Variants in ROR1 observed in about 807,000 individuals in gnomAD.
ROR1 encodes ROR family WNT receptor 1.
Under a neutral mutation model 78.8 loss-of-function variants are expected in ROR1, and 19 were observed. The ratio of observed to expected loss-of-function variants is 0.24; its 90% CI spans 0.17 to 0.35. The LOEUF is 0.35. ROR1 is among the 10% of genes least tolerant of loss of function. ROR1 has a pLI of 1.00. For missense variants in ROR1, 917 were observed against 1,177.8 expected (o/e 0.78, Z 3.24); for synonymous variants, 386 against 433.6 (o/e 0.89, Z 1.36).
intron 1 of ROR1, among the ~76,000 whole-genome samples, chr1:63,991,953 G>A (rs285360): frequency 0.66 from 101,062 of 152,100 alleles, 38,122 homozygotes; most frequent in East Asian, 0.94. Context: ...ATAATGTGAC[G>A]AATAGGAAAG....
At chr1:63,909,904 T>C (rs1645556929) in intron 1 of ROR1, among the ~76,000 whole-genome samples, 2 of 152,198 alleles carry the variant, frequency 1.3e-5, no homozygotes, top group Admixed American at 6.5e-5. Flanking sequence ...GCAAAAAATA[T>C]GGTCTGTTCT....
intron 1 of ROR1, among the ~76,000 whole-genome samples, chr1:63,822,304 C>G (rs1569771251): frequency 6.6e-6 from 1 of 152,264 alleles, no homozygotes; most frequent in Non-Finnish European, 1.5e-5. Flanking sequence ...TGTCTCTGCC[C>G]ATAACAGCTT....
At position 63,957,734 on chromosome 1, in the gene ROR1, GTTTGTTT is replaced by G. The variant is rs1229934177; in HGVS notation, c.92-51560_92-51554del. Reference sequence around the variant, plus strand: ...TTAACCAATTGATAACCCTTTTTTTGTTTGTTTTTTGTTTTTTTTTTTTTTGGAGACA... The same window carrying G: ...TTAACCAATTGATAACCCTTTTTTTGTTTGTTTTTTTTTTTTTTGGAGACA... On this transcript the variant is annotated intron_variant, in intron 1 of 8. Transcript: ENST00000371079. 4.3e-3 allele frequency among the ~76,000 whole-genome samples: 631 copies of G among 147,468 alleles called. 3 individuals are homozygous for G. Among genetic ancestry groups the G allele is most frequent in the Middle Eastern group, 0.014 (4 of 290 alleles).
intron 1 of ROR1, among the ~76,000 whole-genome samples, chr1:63,850,568 A>AT (rs35520628): frequency 1.8e-5 from 1 of 55,152 alleles, no homozygotes; most frequent in African/African-American, 6.4e-4. Flanking sequence ...CAGGTATGAG[A>AT]AACTATCACA....
chr1:63,832,920 A>G (rs1557518092), intron 1 of ROR1, among the ~76,000 whole-genome samples: 3 of 152,174 alleles, frequency 2.0e-5, no homozygotes, highest in Non-Finnish European at 4.4e-5. Flanking sequence ...ACTCATCCAC[A>G]TCTGCCATTA....
intron 1 of ROR1, among the ~76,000 whole-genome samples, chr1:63,803,796 C>G (rs1644810429): frequency 6.6e-6 from 1 of 152,152 alleles, no homozygotes; most frequent in South Asian, 2.1e-4. Context: ...TAGAAACAAA[C>G]CAAATGCCCT....
chr1:64,127,175 C>G (rs1352659313), intron 4 of ROR1, among the ~76,000 whole-genome samples: 1 of 152,148 alleles, frequency 6.6e-6, no homozygotes, highest in Non-Finnish European at 1.5e-5. Context: ...TGTGCAAATA[C>G]TGTTTTGTGT....
intron 1 of ROR1, among the ~76,000 whole-genome samples, chr1:63,775,601 GAAAAGA>G (rs746601648): frequency 5.9e-5 from 9 of 152,122 alleles, no homozygotes; most frequent in Non-Finnish European, 1.2e-4. Flanking sequence ...CTGTGTTTAG[GAAAAGA>G]AAAAGTTCTG....
intron 4 of ROR1, among the ~76,000 whole-genome samples, chr1:64,056,504 G>A (rs566860337): frequency 5.9e-5 from 9 of 151,612 alleles, no homozygotes; most frequent in Admixed American, 1.3e-4. Flanking sequence ...GTGAAACCCC[G>A]TATCTACTAA....
At chr1:63,888,772 T>C (rs1645374529) in intron 1 of ROR1, among the ~76,000 whole-genome samples, 1 of 152,178 alleles carries the variant, frequency 6.6e-6, no homozygotes, top group Non-Finnish European at 1.5e-5. Flanking sequence ...ATTTAAATTT[T>C]TATAGCTATC....
At chr1:64,035,280 G>A (rs924390384) in intron 2 of ROR1, among the ~76,000 whole-genome samples, 2 of 152,168 alleles carry the variant, frequency 1.3e-5, no homozygotes, top group Non-Finnish European at 2.9e-5. Context: ...TTCTAAAGTG[G>A]CTTTGGAAAG....
intron 4 of ROR1, among the ~76,000 whole-genome samples, chr1:64,107,384 T>G (rs7521771): frequency 0.14 from 20,906 of 152,214 alleles, 1,647 homozygotes; most frequent in African/African-American, 0.19. Flanking sequence ...ATGTGAGAAT[T>G]ATTATGAGCA....
intron 1 of ROR1, among the ~76,000 whole-genome samples, chr1:63,976,305 T>C (rs1275418572): frequency 6.6e-6 from 1 of 152,204 alleles, no homozygotes; most frequent in Non-Finnish European, 1.5e-5. Flanking sequence ...CATTTAGGCT[T>C]GAATGCAAAT....
chr1:63,878,005 G>T (rs1645298739), intron 1 of ROR1, among the ~76,000 whole-genome samples: 1 of 152,176 alleles, frequency 6.6e-6, no homozygotes, highest in Non-Finnish European at 1.5e-5. Flanking sequence ...TTCCTCCTGA[G>T]TGAGTAGTGC....
intron 2 of ROR1, among the ~76,000 whole-genome samples, chr1:64,033,221 A>G (rs1646675352): frequency 6.6e-6 from 1 of 152,224 alleles, no homozygotes; most frequent in South Asian, 2.1e-4. Flanking sequence ...GAAACAGGAT[A>G]TCGTATTCTA....
In ROR1 at chr1:64,133,327, A is replaced by C. The variant is rs184733743; in HGVS notation, c.483-4042A>C. Among the ~76,000 whole-genome samples the C allele has an allele frequency of 1.1e-4, 16 of 152,232 alleles. No individual in the cohort carries two copies. In the East Asian group the frequency reaches 3.1e-3, roughly 29 times the overall value. Reference sequence around the variant, plus strand: ...TCTGGCAGGGAAGGAAGCTGGAAAAACTGGCAAGAACTAGATTATGAAGTC... The same window carrying C: ...TCTGGCAGGGAAGGAAGCTGGAAAACCTGGCAAGAACTAGATTATGAAGTC... On this transcript the variant is annotated intron_variant, in intron 4 of 8. Transcript: ENST00000371079.
chr1:63,891,818 T>C (rs1289491304), intron 1 of ROR1, among the ~76,000 whole-genome samples: 3 of 152,128 alleles, frequency 2.0e-5, no homozygotes, highest in Non-Finnish European at 4.4e-5. Flanking sequence ...ACACCTGTGC[T>C]ACCCTAATCC....
chr1:64,030,552 C>T (rs1271019673), intron 2 of ROR1, among the ~76,000 whole-genome samples: 1 of 152,236 alleles, frequency 6.6e-6, no homozygotes, highest in African/African-American at 2.4e-5. Flanking sequence ...CTACCTCCGT[C>T]ACTCATTCCT....
chr1:64,107,228 C>T (rs779325531), intron 4 of ROR1, among the ~76,000 whole-genome samples: 4 of 152,104 alleles, frequency 2.6e-5, no homozygotes, highest in African/African-American at 4.8e-5. Flanking sequence ...ATTTTGCAGA[C>T]GACAAAAGTG....
Sources: allele counts gnomAD v4.1 joint callset (sites outside exome capture counted in the v4.1 genomes callset), GRCh38; gene constraint gnomAD v4.1.1; transcripts MANE v1.5; gene names NCBI Gene and HGNC (gene_info 2026-07-23, HGNC 2026-07-21).